The following MAST3 variants were observed in gnomAD, a reference collection of about 807,000 sequenced individuals.
The protein encoded by MAST3 is microtubule associated serine/threonine kinase 3.
A neutral mutation model predicts 127.0 loss-of-function variants in MAST3; 43 were observed. The ratio of observed to expected loss-of-function variants is 0.34; its 90% CI spans 0.27 to 0.44. The LOEUF (loss-of-function observed/expected upper bound fraction) is 0.44. Ranked by LOEUF, MAST3 falls within the 20% of genes least tolerant of loss-of-function variation. MAST3 has a pLI of 1.00. For synonymous variants in MAST3, 785 were observed against 809.2 expected (o/e 0.97, Z 0.51); for missense variants, 1,390 against 1,919.1 (o/e 0.72, Z 5.15).
At chr19:18,111,288 C>CG (rs2038586508) in intron 3 of MAST3, among the ~76,000 whole-genome samples, 1 of 151,912 alleles carries the variant, frequency 6.6e-6, no homozygotes, top group African/African-American at 2.4e-5. Context: ...CAGTCCATCC[C>CG]CCGGGGGCCA....
At chr19:18,135,622 G>A in intron 17 of MAST3, 118 bp from the exon 18 acceptor site, 1 of 746,442 alleles carries the variant, frequency 1.3e-6, no homozygotes, top group Non-Finnish European at 2.3e-6. Context: ...CGTTGCAGGG[G>A]CAGAGGAGGC....
At chr19:18,104,866 C>T (rs1314914369) in intron 1 of MAST3, among the ~76,000 whole-genome samples, 1 of 152,160 alleles carries the variant, frequency 6.6e-6, no homozygotes, top group South Asian at 2.1e-4. Flanking sequence ...AATAGTACAA[C>T]AGCACACAAC....
chr19:18,127,027 G>A (rs1352326526), intron 11 of MAST3, among the ~76,000 whole-genome samples: 5 of 151,604 alleles, frequency 3.3e-5, no homozygotes, highest in South Asian at 2.1e-4. Context: ...TGATCCGCCC[G>A]CCTCTGCCTC....
chr19:18,123,548 C>G, intron 7 of MAST3, 32 bp from the exon 8 acceptor site: 2 of 1,511,968 alleles, frequency 1.3e-6, no homozygotes, highest in Non-Finnish European at 1.8e-6. Flanking sequence ...GGTCTCAGGT[C>G]CCATATCACA....
chr19:18,118,156 G>A (rs989825738), intron 3 of MAST3: 10 of 985,242 alleles, frequency 1.0e-5, no homozygotes, highest in African/African-American at 1.7e-5. Context: ...GCGGCACAAA[G>A]GGAAGCAGCA....
At chr19:18,103,032 CA>C (rs1390494106) in intron 1 of MAST3, among the ~76,000 whole-genome samples, 3 of 152,120 alleles carry the variant, frequency 2.0e-5, no homozygotes, top group African/African-American at 4.8e-5. Flanking sequence ...AGGGCAGTTT[CA>C]GGGGGTCGGG....
chr19:18,104,498 T>TGGG, intron 1 of MAST3, among the ~76,000 whole-genome samples: 1 of 152,016 alleles, frequency 6.6e-6, no homozygotes, highest in Admixed American at 6.6e-5. Flanking sequence ...CCCAGCTGGG[T>TGGG]CATCCGGCAG....
At chr19:18,133,992 C>A (rs1035793990) in intron 15 of MAST3, among the ~76,000 whole-genome samples, 4 of 152,202 alleles carry the variant, frequency 2.6e-5, no homozygotes, top group African/African-American at 9.6e-5. Context: ...TTTCCGTGCA[C>A]CTTCTGGGTG....
At position 18,138,974 on chromosome 19, in the gene MAST3, C is replaced by T. The variant is rs550581334; in HGVS notation, c.2096-41C>T. 666 of 1,339,300 alleles carry T rather than the reference C, an allele frequency of 5.0e-4. 9 individuals are homozygous for T. Among genetic ancestry groups the T allele is most frequent in the South Asian group, 3.6e-3 (290 of 79,868 alleles). The allele number at this position is 1,339,300 out of a possible 1,614,324, so 83.0% of individuals were successfully genotyped here. A position where few individuals can be genotyped will look rare whatever the true frequency, so the allele number is the denominator to read the frequency against. ...TGCCACACCGCCCTTGAGATCATCT[C>T]TGGGCATCAGGCGTGCTGCATGTGC... is the stretch of plus-strand genomic sequence containing the variant. On this transcript the variant is annotated intron_variant, in intron 19 of 27. Coordinates refer to ENST00000687212, the MANE Select transcript of MAST3 (RefSeq NM_001393504.1).
In MAST3 at chr19:18,108,029, G is replaced by A. The variant is rs1199341278; in HGVS notation, c.71+411G>A. 3.3e-5 allele frequency among the ~76,000 whole-genome samples: 5 copies of A among 152,134 alleles called. No individual in the cohort carries two copies. The East Asian group carries it at 9.6e-4, about 29-fold the overall frequency. ...CTCTCAGCTAGGCACGGTGGCTCCC[G>A]CCTGTAATCCCAGCACTTTGGAAGG... On this transcript the variant is annotated intron_variant, in intron 2 of 27. Transcript: ENST00000687212.
At chr19:18,142,465 C>T (rs1354812136) in intron 21 of MAST3, among the ~76,000 whole-genome samples, 2 of 150,986 alleles carry the variant, frequency 1.3e-5, no homozygotes, top group African/African-American at 2.4e-5. Flanking sequence ...CATTCTCCTG[C>T]CTCAGCCTCC....
intron 1 of MAST3, among the ~76,000 whole-genome samples, chr19:18,100,128 C>CTCT (rs776661078): frequency 5.8e-5 from 7 of 121,694 alleles, no homozygotes; most frequent in Non-Finnish European, 7.1e-5. Flanking sequence ...CTCTCTCTCT[C>CTCT]TTTTTTTTTT....
chr19:18,117,593 A>G (rs1026350085), intron 3 of MAST3, among the ~76,000 whole-genome samples: 14 of 152,164 alleles, frequency 9.2e-5, no homozygotes, highest in Non-Finnish European at 1.9e-4. Context: ...TTGCCAGGCT[A>G]GATTCCAAGC....
chr19:18,108,704 A>G (rs1046251611), intron 2 of MAST3, among the ~76,000 whole-genome samples: 1 of 152,028 alleles, frequency 6.6e-6, no homozygotes, highest in African/African-American at 2.4e-5. Context: ...CTTAGAGAAC[A>G]TTATTGTTCA....
chr19:18,135,702 C>T, intron 17 of MAST3, 38 bp from the exon 18 acceptor site: 1 of 1,470,020 alleles, frequency 6.8e-7, no homozygotes, highest in Non-Finnish European at 9.4e-7. Context: ...CCTGCCTTCT[C>T]CCTCCCTCCC....
chr19:18,142,625 C>T (rs2042617923), intron 21 of MAST3, among the ~76,000 whole-genome samples: 1 of 151,150 alleles, frequency 6.6e-6, no homozygotes, highest in African/African-American at 2.4e-5. Context: ...GCTAGGATTA[C>T]AGGCGTGAGC....
At position 18,150,857 on chromosome 19, in the gene MAST3, C is replaced by T. The variant is rs373851428; in HGVS notation, c.*1131C>T. On this transcript the variant is annotated 3_prime_UTR_variant, in exon 28 of 28. Transcript: ENST00000687212. ...CCTCACCTGGAACTGCCAAGGCAGC[C>T]TCCAGAAATGCTCGGCTGTCTCGGG... 1 of 152,242 alleles carries T rather than the reference C, an allele frequency of 6.6e-6. No homozygotes were observed. Among genetic ancestry groups the T allele is most frequent in the South Asian group, 2.1e-4 (1 of 4,824 alleles). The allele number at this position is 152,242 out of a possible 1,614,324, so 9.4% of individuals were successfully genotyped here.
chr19:18,125,329 C>T (rs1456463998), intron 11 of MAST3, among the ~76,000 whole-genome samples: 13 of 152,328 alleles, frequency 8.5e-5, no homozygotes, highest in African/African-American at 3.1e-4. Context: ...TTAGCAGTGG[C>T]CTTCCCTTTG....
chr19:18,121,308 C>A (rs182263747), intron 3 of MAST3, among the ~76,000 whole-genome samples: 15 of 152,232 alleles, frequency 9.9e-5, no homozygotes, highest in African/African-American at 3.1e-4. Flanking sequence ...AGGCGTGCAC[C>A]ACCACACCCA....
Sources: gnomAD v4.1 joint callset for allele counts (sites outside exome capture counted in the v4.1 genomes callset) on GRCh38, gnomAD v4.1.1 for gene constraint, MANE v1.5 for transcripts, NCBI Gene and HGNC (gene_info 2026-07-23, HGNC 2026-07-21) for gene names.